Variants in NLK observed in about 807,000 individuals in gnomAD.
NLK encodes the protein serine/threonine-protein kinase NLK.
In NLK, 11 loss-of-function variants were observed where a neutral mutation model predicts 59.0. The ratio of observed to expected loss-of-function variants is 0.19; its 90% confidence interval spans 0.12 to 0.31. The LOEUF (loss-of-function observed/expected upper bound fraction) is 0.31. Among genes scored for constraint, NLK ranks in the 10% least tolerant of loss-of-function variants. The probability of loss-of-function intolerance (pLI) is 1.00; values close to 1 mark genes in which losing one functional copy is unlikely to be tolerated. For synonymous variants in NLK, 235 were observed against 235.9 expected, an observed-to-expected ratio of 1.00 and a Z score of 0.03; for missense variants, 410 against 661.1, an observed-to-expected ratio of 0.62 and a Z score of 4.16.
At chr17:28,186,956 A>T (rs1909141282) in intron 8 of NLK, among the ~76,000 whole-genome samples, 1 of 152,204 alleles carries the variant, frequency 6.6e-6, no homozygotes, top group Non-Finnish European at 1.5e-5. Flanking sequence ...TGCTTTATTG[A>T]GCTAGTGATT....
intron 3 of NLK, among the ~76,000 whole-genome samples, chr17:28,146,513 C>T (rs1907261829): frequency 6.6e-6 from 1 of 152,068 alleles, no homozygotes; most frequent in Non-Finnish European, 1.5e-5. Flanking sequence ...GTAGGTGTTC[C>T]TGTACCTGTT....
intron 10 of NLK, among the ~76,000 whole-genome samples, chr17:28,192,716 A>T (rs1224203450): frequency 1.3e-5 from 2 of 151,316 alleles, no homozygotes; most frequent in South Asian, 4.2e-4. Context: ...CACTGGTGCC[A>T]GTTCACTGCG....
At chr17:28,091,475 T>A (rs984588087) in intron 1 of NLK, among the ~76,000 whole-genome samples, 1 of 148,622 alleles carries the variant, frequency 6.7e-6, no homozygotes, top group African/African-American at 2.5e-5. Context: ...ATAATTATAT[T>A]TATATATATA....
intron 3 of NLK, among the ~76,000 whole-genome samples, chr17:28,158,899 C>T (rs1458209546): frequency 1.3e-5 from 2 of 152,188 alleles, no homozygotes; most frequent in East Asian, 1.9e-4. Context: ...GTCACCAAGA[C>T]ACCCCTAGGC....
At chr17:28,055,565 A>C (rs1419287080) in intron 1 of NLK, among the ~76,000 whole-genome samples, 1 of 151,838 alleles carries the variant, frequency 6.6e-6, no homozygotes, top group Admixed American at 6.6e-5. Context: ...GGCTGGTCTC[A>C]AACTCTTGTC....
chr17:28,112,797 G>A (rs1905581910), intron 1 of NLK, among the ~76,000 whole-genome samples: 1 of 152,184 alleles, frequency 6.6e-6, no homozygotes, highest in African/African-American at 2.4e-5. Context: ...GGGTGGGGCT[G>A]TAGTCCTAAA....
At chr17:28,191,359 C>T in intron 9 of NLK, 140 bp downstream of exon 9, 1 of 582,190 alleles carries the variant, frequency 1.7e-6, no homozygotes, top group Non-Finnish European at 2.9e-6. Flanking sequence ...AGCTGTGTGT[C>T]CGGGGCATAA....
chr17:28,183,305 T>C (rs1269032030), intron 7 of NLK, among the ~76,000 whole-genome samples: 1 of 152,186 alleles, frequency 6.6e-6, no homozygotes, highest in Non-Finnish European at 1.5e-5. Flanking sequence ...TCATTACTCC[T>C]ACAGTTAGGT....
chr17:28,047,332 A>G (rs1909093624), intron 1 of NLK, among the ~76,000 whole-genome samples: 1 of 152,234 alleles, frequency 6.6e-6, no homozygotes, highest in African/African-American at 2.4e-5. Context: ...ATGACTCTAA[A>G]TAACGTAGCG....
intron 8 of NLK, among the ~76,000 whole-genome samples, chr17:28,186,963 G>C (rs1909141646): frequency 6.6e-6 from 1 of 152,120 alleles, no homozygotes; most frequent in Non-Finnish European, 1.5e-5. Context: ...TTGAGCTAGT[G>C]ATTTACTATC....
intron 1 of NLK, chr17:28,116,342 C>T (rs767253551): frequency 3.5e-5 from 7 of 200,872 alleles, no homozygotes; most frequent in Non-Finnish European, 7.5e-5. Context: ...TGAGCAGACG[C>T]AGCAAGAGTG....
intron 1 of NLK, among the ~76,000 whole-genome samples, chr17:28,096,795 C>T (rs1339971180): frequency 6.6e-6 from 1 of 152,168 alleles, no homozygotes; most frequent in African/African-American, 2.4e-5. Context: ...TTACAAATCA[C>T]TGGTGTCAGA....
chr17:28,068,988 T>G (rs993682547), intron 1 of NLK, among the ~76,000 whole-genome samples: 1 of 152,182 alleles, frequency 6.6e-6, no homozygotes, highest in Non-Finnish European at 1.5e-5. Context: ...TTTTTTGATG[T>G]GTTTCTACTA....
intron 1 of NLK, among the ~76,000 whole-genome samples, chr17:28,061,217 T>A (rs1299933673): frequency 6.6e-6 from 1 of 152,216 alleles, no homozygotes; most frequent in East Asian, 1.9e-4. Flanking sequence ...TACGAGTTTA[T>A]CCAGTTTCAG....
At chr17:28,132,269 G>C (rs1285582204) in intron 2 of NLK, among the ~76,000 whole-genome samples, 1 of 152,164 alleles carries the variant, frequency 6.6e-6, no homozygotes, top group Non-Finnish European at 1.5e-5. Context: ...AAGATTTGTT[G>C]AACAGAGGAA....
intron 1 of NLK, among the ~76,000 whole-genome samples, chr17:28,056,830 C>T (rs1336306923): frequency 1.3e-5 from 2 of 151,546 alleles, no homozygotes; most frequent in Non-Finnish European, 2.9e-5. Context: ...CATTCCCCTA[C>T]CTATTTTTTG....
At chr17:28,084,871 A>G (rs1003726711) in intron 1 of NLK, among the ~76,000 whole-genome samples, 17 of 151,894 alleles carry the variant, frequency 1.1e-4, no homozygotes, top group Admixed American at 9.2e-4. Context: ...CCCTGTCCCT[A>G]CCTTTTCTAT....
intron 7 of NLK, among the ~76,000 whole-genome samples, chr17:28,175,842 G>A (rs1908655876): frequency 6.6e-6 from 1 of 152,202 alleles, no homozygotes; most frequent in African/African-American, 2.4e-5. Flanking sequence ...GTTTATCCCA[G>A]TAATGCAAGG....
chr17:28,177,243 C>T (rs1443040771), intron 7 of NLK, among the ~76,000 whole-genome samples: 1 of 152,116 alleles, frequency 6.6e-6, no homozygotes, highest in Non-Finnish European at 1.5e-5. Context: ...TAAGTGGACC[C>T]ATGCAATTCA....
Sources: gnomAD v4.1 joint callset for allele counts (sites outside exome capture counted in the v4.1 genomes callset) on GRCh38, gnomAD v4.1.1 for gene constraint, MANE v1.5 for transcripts, NCBI Gene and HGNC (gene_info 2026-07-23, HGNC 2026-07-21) for gene names.